Variants in CCNY observed in about 807,000 individuals in gnomAD.
CCNY encodes cyclin-Y.
In CCNY, 19 loss-of-function variants were observed where a neutral mutation model predicts 42.8. That is an observed-to-expected ratio of 0.44 (90% CI 0.31 to 0.65). The LOEUF (loss-of-function observed/expected upper bound fraction) is 0.65. Among genes scored for constraint, CCNY ranks in the 30% least tolerant of loss-of-function variants. CCNY has a pLI of 0.07. For missense variants in CCNY, 370 were observed against 437.3 expected, an observed-to-expected ratio of 0.85 and a Z score of 1.37; for synonymous variants, 165 against 162.7, an observed-to-expected ratio of 1.01 and a Z score of -0.11.
chr10:35,367,313 C>G (rs1329367730), intron 1 of CCNY, among the ~76,000 whole-genome samples: 1 of 151,950 alleles, frequency 6.6e-6, no homozygotes, highest in East Asian at 1.9e-4. Context: ...TTGTAGTGTT[C>G]CACCATGCAC....
At chr10:35,399,492 A>G (rs560688564) in intron 1 of CCNY, among the ~76,000 whole-genome samples, 1 of 152,316 alleles carries the variant, frequency 6.6e-6, no homozygotes, top group African/African-American at 2.4e-5. Flanking sequence ...GACACAGGAC[A>G]CAACGCTGTT....
At chr10:35,386,504 A>G (rs1200441765) in intron 1 of CCNY, among the ~76,000 whole-genome samples, 2 of 152,208 alleles carry the variant, frequency 1.3e-5, no homozygotes, top group African/African-American at 4.8e-5. Context: ...ATTGTATATA[A>G]GCAGTATCCC....
intron 1 of CCNY, among the ~76,000 whole-genome samples, chr10:35,341,473 C>A (rs1836181428): frequency 6.6e-6 from 1 of 152,218 alleles, no homozygotes; most frequent in Non-Finnish European, 1.5e-5. Flanking sequence ...AACATAAATA[C>A]TAGCTACTAG....
chr10:35,426,899 T>A (rs1236433742), intron 1 of CCNY, among the ~76,000 whole-genome samples: 1 of 152,222 alleles, frequency 6.6e-6, no homozygotes, highest in Non-Finnish European at 1.5e-5. Flanking sequence ...GGCCTTGTGG[T>A]TCATTCATTG....
At chr10:35,525,832 A>C in intron 4 of CCNY, 132 bp from the exon 5 acceptor site, 1 of 674,746 alleles carries the variant, frequency 1.5e-6, no homozygotes, top group African/African-American at 1.8e-5. Flanking sequence ...ATTGTGAATG[A>C]GATGGGACTG....
intron 1 of CCNY, among the ~76,000 whole-genome samples, chr10:35,350,692 C>CT (rs1356932572): frequency 6.6e-6 from 1 of 152,160 alleles, no homozygotes; most frequent in Non-Finnish European, 1.5e-5. Flanking sequence ...TTTGTTGCAT[C>CT]TCTGTTGCAC....
chr10:35,398,282 A>T (rs1403011367), intron 1 of CCNY, among the ~76,000 whole-genome samples: 1 of 152,220 alleles, frequency 6.6e-6, no homozygotes, highest in Non-Finnish European at 1.5e-5. Context: ...CAGAGGACTG[A>T]TGCATTTTGC....
At chr10:35,501,139 G>A (rs2135390521) in intron 2 of CCNY, among the ~76,000 whole-genome samples, 1 of 152,168 alleles carries the variant, frequency 6.6e-6, no homozygotes, top group Middle Eastern at 3.4e-3. Context: ...GGTAGGGTTG[G>A]GAATAAATAG....
intron 7 of CCNY, among the ~76,000 whole-genome samples, chr10:35,531,445 A>G (rs79194130): frequency 0.032 from 4,895 of 152,368 alleles, 109 homozygotes; most frequent in Middle Eastern, 0.075. Flanking sequence ...AGCCTGAAGG[A>G]TAATAGAACA....
intron 1 of CCNY, among the ~76,000 whole-genome samples, chr10:35,433,244 C>T (rs1838453124): frequency 6.6e-6 from 1 of 152,134 alleles, no homozygotes; most frequent in African/African-American, 2.4e-5. Flanking sequence ...GATTATCTCC[C>T]TCCTCCTATT....
At chr10:35,507,177 G>A (rs1349474840) in intron 3 of CCNY, among the ~76,000 whole-genome samples, 1 of 152,168 alleles carries the variant, frequency 6.6e-6, no homozygotes, top group Non-Finnish European at 1.5e-5. Context: ...ACTTGAAGCA[G>A]GAACTTTGTC....
chr10:35,344,498 T>TGA (rs1836255250), intron 1 of CCNY, among the ~76,000 whole-genome samples: 1 of 152,222 alleles, frequency 6.6e-6, no homozygotes, highest in Non-Finnish European at 1.5e-5. Flanking sequence ...AAGACCATCC[T>TGA]GGCTAACATG....
intron 5 of CCNY, among the ~76,000 whole-genome samples, chr10:35,527,368 C>G (rs1589182369): frequency 6.6e-6 from 1 of 152,274 alleles, no homozygotes; most frequent in Non-Finnish European, 1.5e-5. Context: ...GCATTAGAAT[C>G]TCTAAGATAT....
chr10:35,426,262 AAC>A (rs1045392776), intron 1 of CCNY, among the ~76,000 whole-genome samples: 4 of 149,310 alleles, frequency 2.7e-5, no homozygotes, highest in East Asian at 2.0e-4. Flanking sequence ...CAAACACACA[AAC>A]ACACACACAC....
intron 3 of CCNY, among the ~76,000 whole-genome samples, chr10:35,296,034 G>A (rs1329805812): frequency 6.6e-6 from 1 of 152,152 alleles, no homozygotes; most frequent in African/African-American, 2.4e-5. Flanking sequence ...GCAGTGTTGA[G>A]GGAAGTTTAT....
intron 1 of CCNY, among the ~76,000 whole-genome samples, chr10:35,483,132 TG>T (rs962983289): frequency 5.3e-5 from 8 of 152,226 alleles, no homozygotes; most frequent in Non-Finnish European, 1.0e-4. Context: ...TATAGTATAT[TG>T]GGTGCAGAGC....
At chr10:35,529,285 C>G (rs754313706) in intron 5 of CCNY, among the ~76,000 whole-genome samples, 4 of 152,188 alleles carry the variant, frequency 2.6e-5, no homozygotes, top group Non-Finnish European at 4.4e-5. Context: ...CATTGATATT[C>G]ATTCTTACCC....
intron 2 of CCNY, among the ~76,000 whole-genome samples, chr10:35,483,900 T>C (rs1839727914): frequency 6.6e-6 from 1 of 152,246 alleles, no homozygotes; most frequent in Non-Finnish European, 1.5e-5. Context: ...GAGAGCTGAA[T>C]TGAACCCATA....
intron 1 of CCNY, among the ~76,000 whole-genome samples, chr10:35,435,507 G>T (rs922104213): frequency 6.6e-6 from 1 of 152,220 alleles, no homozygotes; most frequent in Admixed American, 6.5e-5. Context: ...GGTTCTACCT[G>T]AGGATAAGTA....
Sources: allele counts gnomAD v4.1 joint callset (sites outside exome capture counted in the v4.1 genomes callset), GRCh38; gene constraint gnomAD v4.1.1; transcripts MANE v1.5; gene names NCBI Gene and HGNC (gene_info 2026-07-23, HGNC 2026-07-21).